OGDH: variants seen among roughly 807,000 people sequenced by gnomAD.
The protein encoded by OGDH is 2-oxoglutarate dehydrogenase complex component E1.
In OGDH, 38 loss-of-function variants were observed where a neutral mutation model predicts 116.6. The observed-to-expected ratio is 0.33, with a 90% CI of 0.25 to 0.43. The LOEUF (loss-of-function observed/expected upper bound fraction) is 0.43, where lower values mean the gene tolerates loss of function less well. Ranked by LOEUF, OGDH falls within the 20% of genes least tolerant of loss-of-function variation. OGDH has a pLI of 1.00. For synonymous variants in OGDH, 488 were observed against 533.3 expected (o/e 0.92, Z 1.17); for missense variants, 825 against 1,357.2 (o/e 0.61, Z 6.16).
At chr7:44,636,808 G>A (rs1785691171) in intron 2 of OGDH, among the ~76,000 whole-genome samples, 1 of 152,140 alleles carries the variant, frequency 6.6e-6, no homozygotes, top group Non-Finnish European at 1.5e-5. Flanking sequence ...TAAATAGGAG[G>A]TCTGGTTTCA....
chr7:44,634,642 C>T (rs962840274), intron 2 of OGDH, among the ~76,000 whole-genome samples: 2 of 152,192 alleles, frequency 1.3e-5, no homozygotes, highest in African/African-American at 4.8e-5. Flanking sequence ...TTGAAGAATA[C>T]CTAAATAGAA....
At chr7:44,610,615 TG>T (rs1784525902) in intron 1 of OGDH, among the ~76,000 whole-genome samples, 1 of 151,330 alleles carries the variant, frequency 6.6e-6, no homozygotes, top group African/African-American at 2.4e-5. Flanking sequence ...TTCATCTTTT[TG>T]TTTGTTTGTT....
In OGDH at chr7:44,698,713, C is replaced by T. The variant is rs560984904; in HGVS notation, c.2430+450C>T. 2.2e-4 allele frequency among the ~76,000 whole-genome samples: 33 copies of T among 152,058 alleles called. No homozygotes were observed. The South Asian group carries it at 5.2e-3, about 24-fold the overall frequency. ...AAAAGTAGCTGGGCGTGATGGTGCA[C>T]GCCTGCAGTCCCAGCTACTTGGGAG... On this transcript the variant is annotated intron_variant, in intron 18 of 22. Coordinates refer to ENST00000222673, the MANE Select transcript of OGDH (RefSeq NM_002541.4).
chr7:44,676,354 G>T (rs1787694677), intron 9 of OGDH: 1 of 1,144,298 alleles, frequency 8.7e-7, no homozygotes, highest in Non-Finnish European at 1.2e-6. Context: ...TCGGGAGTTG[G>T]AGACCAGCCT....
At chr7:44,687,669 C>T (rs955776327) in intron 10 of OGDH, among the ~76,000 whole-genome samples, 52 of 151,936 alleles carry the variant, frequency 3.4e-4, no homozygotes, top group African/African-American at 1.2e-3. Flanking sequence ...GTGATCCACC[C>T]TCCTCAGCCT....
intron 4 of OGDH, among the ~76,000 whole-genome samples, chr7:44,655,606 C>T (rs1391973175): frequency 2.0e-5 from 3 of 152,236 alleles, no homozygotes; most frequent in African/African-American, 4.8e-5. Flanking sequence ...CCCAGGCCCA[C>T]AAGCCCAGAC....
chr7:44,614,295 T>G (rs539353761), intron 1 of OGDH, among the ~76,000 whole-genome samples: 35 of 149,740 alleles, frequency 2.3e-4, no homozygotes, highest in East Asian at 1.4e-3. Context: ...AAGGTTTTGG[T>G]TTTTTTTGTT....
intron 20 of OGDH, among the ~76,000 whole-genome samples, chr7:44,703,394 T>A (rs1381906432): frequency 7.2e-6 from 1 of 139,458 alleles, no homozygotes; most frequent in Non-Finnish European, 1.6e-5. Flanking sequence ...GGCAACAGAG[T>A]AGGACTCCAT....
chr7:44,674,845 G>T, intron 7 of OGDH: 1 of 535,250 alleles, frequency 1.9e-6, no homozygotes, highest in Non-Finnish European at 3.4e-6. Context: ...CCTTGTTGGG[G>T]TCTAACCTGG....
chr7:44,696,583 G>A, intron 14 of OGDH, 26 bp downstream of exon 14: 1 of 1,613,738 alleles, frequency 6.2e-7, no homozygotes, highest in East Asian at 2.2e-5. Context: ...CTGACCTGTG[G>A]AAATGTTGGG....
At chr7:44,651,780 C>T (rs138900235) in intron 4 of OGDH, among the ~76,000 whole-genome samples, 125 of 152,100 alleles carry the variant, frequency 8.2e-4, no homozygotes, top group African/African-American at 2.9e-3. Flanking sequence ...AGGCTGATCT[C>T]GTACGCCTGA....
intron 9 of OGDH, among the ~76,000 whole-genome samples, chr7:44,678,458 A>G (rs1206988144): frequency 6.6e-6 from 1 of 152,250 alleles, no homozygotes; most frequent in Admixed American, 6.5e-5. Flanking sequence ...TAAAAGCAAT[A>G]GAGTATATTT....
chr7:44,664,685 T>G (rs1787100302), intron 4 of OGDH, among the ~76,000 whole-genome samples: 1 of 152,162 alleles, frequency 6.6e-6, no homozygotes, highest in Non-Finnish European at 1.5e-5. Context: ...GTCTTATGAT[T>G]GTTTTGCATA....
chr7:44,661,571 AT>A (rs915080506), intron 4 of OGDH, among the ~76,000 whole-genome samples: 32 of 150,490 alleles, frequency 2.1e-4, no homozygotes, highest in African/African-American at 7.3e-4. Context: ...ACATTTAAAA[AT>A]TTTTTTTTAA....
chr7:44,648,474 CTG>C (rs752886188), intron 4 of OGDH, among the ~76,000 whole-genome samples: 2 of 152,202 alleles, frequency 1.3e-5, no homozygotes, highest in African/African-American at 2.4e-5. Flanking sequence ...CTTTATGTCA[CTG>C]TGCTGCTAAC....
chr7:44,698,061 G>T, intron 17 of OGDH, 131 bp from the exon 18 acceptor site: 1 of 1,050,734 alleles, frequency 9.5e-7, no homozygotes, highest in Non-Finnish European at 1.4e-6. Context: ...GTGGGAGGGG[G>T]AAGGAACTGA....
intron 2 of OGDH, among the ~76,000 whole-genome samples, chr7:44,640,687 A>T (rs1293641243): frequency 1.3e-5 from 2 of 152,052 alleles, no homozygotes; most frequent in African/African-American, 4.8e-5. Context: ...AAAATGTTTT[A>T]GGGGTTTAAT....
chr7:44,687,336 G>C (rs981137374), intron 10 of OGDH, among the ~76,000 whole-genome samples: 1 of 151,492 alleles, frequency 6.6e-6, no homozygotes, highest in African/African-American at 2.4e-5. Flanking sequence ...GAGCTCAAGT[G>C]ATCCGCCTGC....
At chr7:44,656,412 G>C in intron 4 of OGDH, 1 of 1,498,090 alleles carries the variant, frequency 6.7e-7, no homozygotes, top group Non-Finnish European at 9.0e-7. Flanking sequence ...GACTTCATTT[G>C]AATAGGATGT....
Sources: allele counts gnomAD v4.1 joint callset (sites outside exome capture counted in the v4.1 genomes callset), GRCh38; gene constraint gnomAD v4.1.1; transcripts MANE v1.5; gene names NCBI Gene and HGNC (gene_info 2026-07-23, HGNC 2026-07-21).